Variants in SPART observed in about 807,000 individuals in gnomAD.
SPART encodes the protein spartin, also known as spastic paraplegia 20 (Troyer syndrome).
SPART carries 35 observed loss-of-function variants against 58.7 expected under a neutral mutation model. The observed-to-expected ratio is 0.60, with a 90% CI of 0.46 to 0.79. The LOEUF (loss-of-function observed/expected upper bound fraction) is 0.79. Ranked by LOEUF, SPART falls within the 30% of genes least tolerant of loss-of-function variation. The probability of loss-of-function intolerance (pLI) is 0.00; values close to 1 mark genes in which losing one functional copy is unlikely to be tolerated. For synonymous variants in SPART, 284 were observed against 280.7 expected, an observed-to-expected ratio of 1.01 and a Z score of -0.12; for missense variants, 730 against 786.1, an observed-to-expected ratio of 0.93 and a Z score of 0.85.
At chr13:36,345,215 C>G (rs1884966945) in intron 1 of SPART, among the ~76,000 whole-genome samples, 1 of 152,228 alleles carries the variant, frequency 6.6e-6, no homozygotes. Context: ...CCCGCTCATT[C>G]TAGCTTCTTA....
At chr13:36,325,259 T>C (rs1882817126) in intron 5 of SPART, among the ~76,000 whole-genome samples, 1 of 152,200 alleles carries the variant, frequency 6.6e-6, no homozygotes, top group Non-Finnish European at 1.5e-5. Flanking sequence ...GGTAGGGTAG[T>C]AAAAGTGAAA....
At chr13:36,306,902 TA>T (rs1405461219) in intron 8 of SPART, among the ~76,000 whole-genome samples, 2 of 152,232 alleles carry the variant, frequency 1.3e-5, no homozygotes, top group Admixed American at 6.5e-5. Flanking sequence ...AAAGCAGTTT[TA>T]AAATTCTAAA....
rs140713243 is a variant in SPART, at chr13:36,367,506, T to C, written c.-3+2583A>G. Among the ~76,000 whole-genome samples, 23 of 152,306 alleles carry C rather than the reference T, an allele frequency of 1.5e-4. No homozygotes were observed. In the East Asian group the frequency reaches 4.4e-3, roughly 29 times the overall value. On this transcript the variant is annotated intron_variant, in intron 1 of 8. Transcript: ENST00000355182. ...GTGGCAAGGTGGGGACCTCCTCTTT[T>C]GGCTTTGGAGACCCATCCCTCTGTC...
intron 1 of SPART, among the ~76,000 whole-genome samples, chr13:36,361,556 C>G (rs1439992168): frequency 5.3e-5 from 8 of 152,088 alleles, no homozygotes; most frequent in Non-Finnish European, 1.0e-4. Context: ...AGGTGCCCAC[C>G]ACCACGCCCA....
At chr13:36,318,415 C>T (rs943313691) in intron 5 of SPART, among the ~76,000 whole-genome samples, 4 of 152,116 alleles carry the variant, frequency 2.6e-5, no homozygotes, top group African/African-American at 7.2e-5. Context: ...AACCCTGAGA[C>T]ACTTTACAGC....
intron 1 of SPART, among the ~76,000 whole-genome samples, chr13:36,353,882 ATTGT>A (rs1448342223): frequency 6.6e-6 from 1 of 152,152 alleles, no homozygotes; most frequent in Admixed American, 6.5e-5. Flanking sequence ...TGTTCTGTGA[ATTGT>A]TTATGTTCAG....
intron 4 of SPART, among the ~76,000 whole-genome samples, chr13:36,327,395 C>T (rs1231410686): frequency 6.6e-6 from 1 of 152,074 alleles, no homozygotes; most frequent in African/African-American, 2.4e-5. Context: ...AATATAAAAA[C>T]AACATTAAAC....
intron 8 of SPART, among the ~76,000 whole-genome samples, chr13:36,306,603 T>C (rs1309241648): frequency 6.6e-6 from 1 of 152,190 alleles, no homozygotes; most frequent in Admixed American, 6.5e-5. Flanking sequence ...TACCTCCAGC[T>C]GCACTCATAT....
chr13:36,306,784 A>G (rs569763300), intron 8 of SPART, among the ~76,000 whole-genome samples: 20 of 152,376 alleles, frequency 1.3e-4, no homozygotes, highest in South Asian at 4.1e-4. Context: ...ACTAGATTCT[A>G]ATGCCAACTA....
chr13:36,304,705 A>AT, intron 8 of SPART, 73 bp from the exon 9 acceptor site: 5 of 1,487,840 alleles, frequency 3.4e-6, no homozygotes, highest in Non-Finnish European at 4.6e-6. Context: ...TTAGTATTAA[A>AT]TAAGTCAAAT....
intron 1 of SPART, among the ~76,000 whole-genome samples, chr13:36,360,214 G>A (rs1376024446): frequency 1.3e-5 from 1 of 75,312 alleles, no homozygotes; most frequent in East Asian, 4.3e-4. Context: ...AGAATCGCTT[G>A]AACCTGGGAG....
At position 36,312,484 on chromosome 13, in the gene SPART, T is replaced by C. The variant is rs1881233677; in HGVS notation, c.1484-7A>G. The C allele has an allele frequency of 6.2e-7, 1 of 1,613,786 alleles. No individual in the cohort carries two copies. Among genetic ancestry groups the C allele is most frequent in the Admixed American group, 1.7e-5 (1 of 59,982 alleles). ...ACAGTGCAAACTCCATCAACTAATA[T>C]GACCATAAAAAAAGAAAACTTAGGA... On this transcript the variant is annotated splice_polypyrimidine_tract_variant and splice_region_variant and intron_variant, in intron 6 of 8. Transcript: ENST00000438666.
intron 1 of SPART, among the ~76,000 whole-genome samples, chr13:36,359,923 T>TA (rs375878141): frequency 0.17 from 19,927 of 120,268 alleles, 1,866 homozygotes; most frequent in Non-Finnish European, 0.21. Context: ...GTTGTTAATT[T>TA]AAAAAAAAAA....
intron 5 of SPART, among the ~76,000 whole-genome samples, chr13:36,316,645 C>T (rs986887509): frequency 6.6e-5 from 10 of 152,252 alleles, no homozygotes; most frequent in African/African-American, 1.7e-4. Context: ...TCCTATAAAA[C>T]GGCCCCACCC....
intron 1 of SPART, chr13:36,360,524 AG>A (rs1171056782): frequency 1.3e-5 from 2 of 152,390 alleles, no homozygotes; most frequent in African/African-American, 4.8e-5. Flanking sequence ...ATATGGGAAC[AG>A]TAAGAAGTAA....
Position 36,319,738 on chromosome 13 carries a change from T to G in SPART, c.1289-5317A>C, listed in dbSNP as rs201922280. Reference sequence around the variant, plus strand: ...CCCTTTGCACCCTTCATCCCAGCCTTTCTTCGCTTTCACTTGGACTGACCC... The same window carrying G: ...CCCTTTGCACCCTTCATCCCAGCCTGTCTTCGCTTTCACTTGGACTGACCC... On this transcript the variant is annotated intron_variant, in intron 5 of 8. Coordinates refer to ENST00000438666, the MANE Select transcript of SPART (RefSeq NM_015087.5). Among the ~76,000 whole-genome samples the G allele has an allele frequency of 1.3e-4, 16 of 120,940 alleles. 1 individual carries two copies. Among genetic ancestry groups the G allele is most frequent in the Non-Finnish European group, 1.3e-4 (7 of 53,512 alleles). The allele number at this position is 120,940 out of a possible 152,430, so 79.3% of individuals were successfully genotyped here.
At chr13:36,319,273 A>G (rs9547251) in intron 5 of SPART, among the ~76,000 whole-genome samples, 54,502 of 149,916 alleles carry the variant, frequency 0.36, 10,399 homozygotes, top group Non-Finnish European at 0.43. Flanking sequence ...TCTCATTGCC[A>G]CCCTTCTTCC....
chr13:36,351,711 CTT>C (rs572610592), intron 1 of SPART, among the ~76,000 whole-genome samples: 84 of 152,130 alleles, frequency 5.5e-4, no homozygotes, highest in Non-Finnish European at 1.0e-3. Context: ...ATGCTAAAGA[CTT>C]TTGTGTAGAA....
intron 1 of SPART, among the ~76,000 whole-genome samples, chr13:36,360,122 C>T (rs998495125): frequency 2.6e-5 from 4 of 151,248 alleles, no homozygotes; most frequent in Non-Finnish European, 1.5e-5. Context: ...AGTGAAACCC[C>T]GTCTCTACTA....
Sources: gnomAD v4.1 joint callset for allele counts (sites outside exome capture counted in the v4.1 genomes callset) on GRCh38, gnomAD v4.1.1 for gene constraint, MANE v1.5 for transcripts, NCBI Gene and HGNC (gene_info 2026-07-23, HGNC 2026-07-21) for gene names.